XKR4: variants seen among roughly 807,000 people sequenced by gnomAD.
XKR4 encodes XK-related protein 4.
XKR4 carries 12 observed loss-of-function variants against 53.9 expected under a neutral mutation model. The ratio of observed to expected loss-of-function variants is 0.22; its 90% CI spans 0.14 to 0.36. The LOEUF (loss-of-function observed/expected upper bound fraction) is 0.36, where lower values mean the gene tolerates loss of function less well. Among genes scored for constraint, XKR4 ranks in the 10% least tolerant of loss-of-function variants. The pLI, the probability that XKR4 is intolerant of heterozygous loss-of-function variation, is 1.00. For missense variants in XKR4, 799 were observed against 859.5 expected (o/e 0.93, Z 0.88); for synonymous variants, 354 against 362.4 (o/e 0.98, Z 0.26).
intron 2 of XKR4, among the ~76,000 whole-genome samples, chr8:55,394,364 A>G (rs1333034020): frequency 2.0e-5 from 3 of 152,230 alleles, no homozygotes; most frequent in Non-Finnish European, 4.4e-5. Flanking sequence ...AGGAAAATTA[A>G]TGCCAAAGAA....
intron 1 of XKR4, among the ~76,000 whole-genome samples, chr8:55,125,952 T>C (rs1468499485): frequency 6.6e-6 from 1 of 152,186 alleles, no homozygotes; most frequent in African/African-American, 2.4e-5. Context: ...TGTCCTTGAA[T>C]TGGGCCCTGT....
chr8:55,512,210 G>T (rs1025219526), intron 2 of XKR4, among the ~76,000 whole-genome samples: 3 of 152,184 alleles, frequency 2.0e-5, no homozygotes, highest in African/African-American at 7.2e-5. Context: ...CAAGTATTGA[G>T]ATAACTCCCG....
At chr8:55,502,333 C>T (rs1223986492) in intron 2 of XKR4, among the ~76,000 whole-genome samples, 1 of 152,024 alleles carries the variant, frequency 6.6e-6, no homozygotes, top group Non-Finnish European at 1.5e-5. Flanking sequence ...AACATTCCCA[C>T]CAACAGTACA....
intron 1 of XKR4, among the ~76,000 whole-genome samples, chr8:55,236,087 T>A (rs1028589982): frequency 6.6e-6 from 1 of 152,154 alleles, no homozygotes; most frequent in East Asian, 1.9e-4. Flanking sequence ...AAGTGTAACA[T>A]GTTCCCAGCC....
In XKR4 at chr8:55,183,445, T is replaced by C. The variant is rs995738174; in HGVS notation, c.806+80151T>C. ...GATGTATGTTCATTGTTCATTTTCA[T>C]TCAATTCAAAATATTTTAAAGTTTA... On this transcript the variant is annotated intron_variant, in intron 1 of 2. Coordinates refer to ENST00000327381, the MANE Select transcript of XKR4 (RefSeq NM_052898.2). 3.9e-5 allele frequency among the ~76,000 whole-genome samples: 6 copies of C among 152,032 alleles called. No individual in the cohort carries two copies. The South Asian group carries it at 8.3e-4, about 21-fold the overall frequency.
chr8:55,391,472 C>G (rs60302383), intron 2 of XKR4, among the ~76,000 whole-genome samples: 10,416 of 152,154 alleles, frequency 0.068, 891 homozygotes, highest in African/African-American at 0.2. Flanking sequence ...CCAATTGGAG[C>G]AATTTCTAGG....
intron 2 of XKR4, among the ~76,000 whole-genome samples, chr8:55,405,107 A>T (rs1477521775): frequency 6.6e-6 from 1 of 152,210 alleles, no homozygotes; most frequent in Non-Finnish European, 1.5e-5. Flanking sequence ...GGGAATGAAG[A>T]GCAATTTTCC....
chr8:55,389,779 CT>C (rs1357636431), intron 2 of XKR4, among the ~76,000 whole-genome samples: 3 of 152,150 alleles, frequency 2.0e-5, no homozygotes, highest in African/African-American at 7.2e-5. Context: ...AGTTATAAGC[CT>C]GTCTTTAAGT....
chr8:55,477,343 G>C lies in XKR4; in HGVS notation c.1007-45938G>C, dbSNP rs187154867. Among the ~76,000 whole-genome samples, 141 of 152,264 alleles carry C rather than the reference G, an allele frequency of 9.3e-4. 3 individuals are homozygous for C. Among genetic ancestry groups the C allele is most frequent in the African/African-American group, 3.2e-3 (134 of 41,502 alleles). ...AACTCCAACAGACCTGCAGCTGAGGGTCCTGTCTGTTAGAAGGAAAACTAA... is the reference window on the plus strand; with the variant it reads ...AACTCCAACAGACCTGCAGCTGAGGCTCCTGTCTGTTAGAAGGAAAACTAA... On this transcript the variant is annotated intron_variant, in intron 2 of 2. Coordinates refer to ENST00000327381, the MANE Select transcript of XKR4 (RefSeq NM_052898.2).
intron 2 of XKR4, chr8:55,454,073 T>C (rs942021343): frequency 1.2e-6 from 1 of 820,976 alleles, no homozygotes; most frequent in Non-Finnish European, 2.1e-6. Flanking sequence ...CCGCAGCTCT[T>C]TGTCCTGCAT....
intron 1 of XKR4, among the ~76,000 whole-genome samples, chr8:55,216,933 A>G (rs935535288): frequency 2.6e-5 from 4 of 152,180 alleles, no homozygotes; most frequent in East Asian, 1.9e-4. Flanking sequence ...ACTGAAAAGA[A>G]ATATGCAAAA....
At chr8:55,394,654 T>C (rs943733524) in intron 2 of XKR4, among the ~76,000 whole-genome samples, 13 of 152,192 alleles carry the variant, frequency 8.5e-5, no homozygotes, top group Admixed American at 6.5e-5. Context: ...GAGAGTTATT[T>C]AAACACACAC....
chr8:55,314,733 G>C (rs1271208348), intron 1 of XKR4, among the ~76,000 whole-genome samples: 1 of 152,190 alleles, frequency 6.6e-6, no homozygotes, highest in African/African-American at 2.4e-5. Flanking sequence ...GGCTCCCAAA[G>C]TCTGGGAGCT....
chr8:55,442,161 A>G (rs1805279029), intron 2 of XKR4, among the ~76,000 whole-genome samples: 1 of 152,196 alleles, frequency 6.6e-6, no homozygotes, highest in Non-Finnish European at 1.5e-5. Flanking sequence ...GGGCATTAAT[A>G]TATTTGCTGA....
At chr8:55,442,054 AT>A (rs1200301730) in intron 2 of XKR4, among the ~76,000 whole-genome samples, 2 of 152,064 alleles carry the variant, frequency 1.3e-5, no homozygotes, top group East Asian at 3.8e-4. Context: ...ATTAACAAAA[AT>A]TTTTTTCTTT....
At chr8:55,460,554 T>G (rs2975971) in intron 2 of XKR4, among the ~76,000 whole-genome samples, 1 of 151,882 alleles carries the variant, frequency 6.6e-6, no homozygotes, top group African/African-American at 2.4e-5. Context: ...CCAGCATGAG[T>G]GACACAGAAG....
chr8:55,498,262 C>T (rs960050440), intron 2 of XKR4, among the ~76,000 whole-genome samples: 1 of 152,202 alleles, frequency 6.6e-6, no homozygotes, highest in Non-Finnish European at 1.5e-5. Context: ...TAACCCGGTC[C>T]CACTGCTAGG....
chr8:55,143,776 A>G (rs923704329), intron 1 of XKR4, among the ~76,000 whole-genome samples: 5 of 152,202 alleles, frequency 3.3e-5, no homozygotes, highest in Non-Finnish European at 5.9e-5. Context: ...TCAATTCTAC[A>G]GACAAGTGTG....
intron 2 of XKR4, among the ~76,000 whole-genome samples, chr8:55,469,588 A>T (rs1446227785): frequency 6.6e-6 from 1 of 152,182 alleles, no homozygotes; most frequent in Non-Finnish European, 1.5e-5. Context: ...CAATATTTTC[A>T]TTGGTGCCAA....
Sources: allele counts gnomAD v4.1 joint callset (sites outside exome capture counted in the v4.1 genomes callset), GRCh38; gene constraint gnomAD v4.1.1; transcripts MANE v1.5; gene names NCBI Gene and HGNC (gene_info 2026-07-23, HGNC 2026-07-21).